Variants in SIK2 observed in about 807,000 individuals in gnomAD.
SIK2 encodes salt inducible kinase 2.
In SIK2, 29 loss-of-function variants were observed where a neutral mutation model predicts 103.2. That is an observed-to-expected ratio of 0.28 (90% CI 0.21 to 0.38). The LOEUF is 0.38. SIK2 is among the 10% of genes least tolerant of loss of function. The pLI is 1.00. For synonymous variants in SIK2, 412 were observed against 446.1 expected (o/e 0.92, Z 0.96); for missense variants, 879 against 1,171.0 (o/e 0.75, Z 3.64).
intron 3 of SIK2, chr11:111,671,677 G>T: frequency 5.3e-6 from 2 of 379,134 alleles, no homozygotes; most frequent in Non-Finnish European, 1.0e-5. Flanking sequence ...CAAGATCTGG[G>T]ACAGCAGCTC....
At chr11:111,665,653 A>G (rs1277511479) in intron 3 of SIK2, among the ~76,000 whole-genome samples, 1 of 152,130 alleles carries the variant, frequency 6.6e-6, no homozygotes, top group Non-Finnish European at 1.5e-5. Flanking sequence ...GAGAAACCCC[A>G]TCTATACTAA....
At position 111,615,288 on chromosome 11, in the gene SIK2, T is replaced by TAA. The variant is rs372263613; in HGVS notation, c.136-940_136-939dup. The stretch of plus-strand genomic sequence containing the variant: ...CAACATAATGAGACCCCATCTGCAT[T>TAA]AAAAAAAAAAAAAAAAGAAGAAAAG... On this transcript the variant is annotated intron_variant, in intron 1 of 14. Transcript: ENST00000304987. Among the ~76,000 whole-genome samples the TAA allele has an allele frequency of 8.9e-3, 1,196 of 134,344 alleles. 26 individuals are homozygous for TAA. The highest frequency in any genetic ancestry group is 0.03 in the African/African-American group (1,070 of 35,868). 88.1% of individuals were successfully genotyped at this position (134,344 alleles called of 152,430 possible).
Position 111,723,501 on chromosome 11 carries a change from A to T in SIK2, c.2153A>T (p.Gln718Leu), listed in dbSNP as rs1224674908. ...CTTTGATATTACCAATTTAGGCTCC[A>T]GCAGAAGCGACTCTTTCTTCAGAAG... ...LEQQLQEHRL[Q>L]QKRLFLQKQS... The change falls in exon 15 of 15, where the codon CAG (glutamine) becomes CTG (leucine). Residue 718 changes from glutamine (Q) to leucine (L), a missense_variant. Coordinates refer to ENST00000304987, the MANE Select transcript of SIK2 (RefSeq NM_015191.3). The T allele has an allele frequency of 6.3e-7, 1 of 1,598,992 alleles. No homozygotes were observed. Among genetic ancestry groups the T allele is most frequent in the Non-Finnish European group, 8.5e-7 (1 of 1,170,662 alleles).
chr11:111,607,758 C>G (rs1941666668), intron 1 of SIK2, among the ~76,000 whole-genome samples: 1 of 152,154 alleles, frequency 6.6e-6, no homozygotes, highest in Non-Finnish European at 1.5e-5. Context: ...AAGTATTCTG[C>G]TAACTATTGT....
At chr11:111,677,372 A>G (rs189429150) in intron 3 of SIK2, among the ~76,000 whole-genome samples, 8 of 152,192 alleles carry the variant, frequency 5.3e-5, no homozygotes, top group Admixed American at 3.3e-4. Context: ...TTGCCTCATG[A>G]CATCTCTTCT....
intron 1 of SIK2, among the ~76,000 whole-genome samples, chr11:111,604,022 C>G (rs1941617612): frequency 6.6e-6 from 1 of 152,272 alleles, no homozygotes; most frequent in African/African-American, 2.4e-5. Flanking sequence ...CCTTCCCCTG[C>G]TGGTCCTGAA....
chr11:111,620,239 G>T, intron 2 of SIK2, 100 bp from the exon 3 acceptor site: 2 of 779,462 alleles, frequency 2.6e-6, no homozygotes, highest in South Asian at 3.2e-5. Flanking sequence ...TCATAACTGT[G>T]ATTCTTTTAT....
At chr11:111,711,862 G>A (rs1056893250) in intron 8 of SIK2, among the ~76,000 whole-genome samples, 3 of 152,188 alleles carry the variant, frequency 2.0e-5, no homozygotes, top group African/African-American at 4.8e-5. Flanking sequence ...TTATCTGTCT[G>A]GGTATTATAT....
intron 1 of SIK2, among the ~76,000 whole-genome samples, 200 bp from the exon 2 acceptor site, chr11:111,616,043 C>T (rs925720227): frequency 6.6e-6 from 1 of 152,222 alleles, no homozygotes; most frequent in East Asian, 1.9e-4. Flanking sequence ...ACTAAAGACA[C>T]TGCCAAACAA....
intron 3 of SIK2, among the ~76,000 whole-genome samples, chr11:111,623,033 C>G (rs965057302): frequency 2.0e-5 from 3 of 152,180 alleles, no homozygotes; most frequent in Non-Finnish European, 2.9e-5. Context: ...ATATTCCAGT[C>G]AAATGTATAT....
chr11:111,696,157 A>G (rs1943065949), intron 4 of SIK2, among the ~76,000 whole-genome samples: 1 of 152,208 alleles, frequency 6.6e-6, no homozygotes, highest in African/African-American at 2.4e-5. Context: ...TTCAGGCCAT[A>G]TAGAACCCAG....
chr11:111,724,351 A>G lies in SIK2; in HGVS notation c.*222A>G. On this transcript the variant is annotated 3_prime_UTR_variant, in exon 15 of 15. Coordinates refer to ENST00000304987, the MANE Select transcript of SIK2 (RefSeq NM_015191.3). ...GTGGCAAGTGCTGGAACATAGTTGT[A>G]GGCTGAGGCTCCTGCCCTTCGGTCG... The G allele has an allele frequency of 1.6e-6, 1 of 606,404 alleles. No homozygotes were observed. The highest frequency in any genetic ancestry group is 2.8e-6 in the Non-Finnish European group (1 of 356,618). The allele number at this position is 606,404 out of a possible 1,614,324, so 37.6% of individuals were successfully genotyped here. A position where few individuals can be genotyped will look rare whatever the true frequency, so the allele number is the denominator to read the frequency against.
intron 3 of SIK2, among the ~76,000 whole-genome samples, chr11:111,655,739 T>G (rs1942383592): frequency 6.6e-6 from 1 of 152,202 alleles, no homozygotes; most frequent in South Asian, 2.1e-4. Flanking sequence ...TTTCTTGCTA[T>G]TTTACAATTC....
At chr11:111,674,518 C>G (rs560030414) in intron 3 of SIK2, among the ~76,000 whole-genome samples, 2 of 152,292 alleles carry the variant, frequency 1.3e-5, no homozygotes, top group Admixed American at 6.5e-5. Flanking sequence ...ATGAATAGTT[C>G]CCAACCAAAT....
intron 3 of SIK2, among the ~76,000 whole-genome samples, chr11:111,657,589 A>C: frequency 6.6e-6 from 1 of 151,678 alleles, no homozygotes; most frequent in Non-Finnish European, 1.5e-5. Flanking sequence ...GGGTCTCATT[A>C]TGTTGCCCAG....
intron 3 of SIK2, among the ~76,000 whole-genome samples, chr11:111,657,627 G>A (rs868202347): frequency 5.3e-5 from 8 of 152,126 alleles, no homozygotes; most frequent in South Asian, 2.1e-4. Flanking sequence ...GGCCTCAAGC[G>A]ATCCGCCTGC....
intron 1 of SIK2, among the ~76,000 whole-genome samples, chr11:111,611,085 AATGTGTGTGTGT>A (rs1941718563): frequency 7.4e-6 from 1 of 134,732 alleles, no homozygotes; most frequent in Non-Finnish European, 1.5e-5. Flanking sequence ...CTCTCGACCA[AATGTGTGTGTGT>A]GTGTGTGTGT....
intron 8 of SIK2, among the ~76,000 whole-genome samples, chr11:111,707,136 G>C (rs1266370324): frequency 1.3e-5 from 2 of 152,128 alleles, no homozygotes; most frequent in African/African-American, 2.4e-5. Flanking sequence ...AAGACGTAGT[G>C]GAACTCTTTC....
intron 3 of SIK2, among the ~76,000 whole-genome samples, chr11:111,677,572 A>G (rs1301276376): frequency 2.7e-5 from 4 of 147,872 alleles, no homozygotes; most frequent in East Asian, 2.0e-4. Flanking sequence ...CGTGTGCCAC[A>G]ATGCCCAGCT....
Sources: allele counts gnomAD v4.1 joint callset (sites outside exome capture counted in the v4.1 genomes callset), GRCh38; gene constraint gnomAD v4.1.1; transcripts MANE v1.5; gene names NCBI Gene and HGNC (gene_info 2026-07-23, HGNC 2026-07-21).